ATP11A: variants seen among roughly 807,000 people sequenced by gnomAD.
ATP11A encodes the protein phospholipid-transporting ATPase IH.
In ATP11A, 81 loss-of-function variants were observed where a neutral mutation model predicts 154.4. The observed-to-expected ratio is 0.52, with a 90% CI of 0.44 to 0.63. The LOEUF (loss-of-function observed/expected upper bound fraction) is 0.63, where lower values mean the gene tolerates loss of function less well. ATP11A is among the 30% of genes least tolerant of loss of function. The probability of loss-of-function intolerance (pLI) is 0.00; values close to 1 mark genes in which losing one functional copy is unlikely to be tolerated. For missense variants in ATP11A, 1,316 were observed against 1,474.3 expected, an observed-to-expected ratio of 0.89 and a Z score of 1.76; for synonymous variants, 623 against 585.9, an observed-to-expected ratio of 1.06 and a Z score of -0.91.
At chr13:112,730,962 G>A (rs902034352) in intron 1 of ATP11A, among the ~76,000 whole-genome samples, 8 of 152,130 alleles carry the variant, frequency 5.3e-5, no homozygotes, top group African/African-American at 1.9e-4. Context: ...TTGAGACGGA[G>A]TCTTGCTAAG....
At chr13:112,789,059 G>A (rs1314419197) in intron 2 of ATP11A, among the ~76,000 whole-genome samples, 1 of 149,566 alleles carries the variant, frequency 6.7e-6, no homozygotes, top group African/African-American at 2.5e-5. Flanking sequence ...TACACCAGGT[G>A]TCCTGATGTG....
rs2080986117 is a variant in ATP11A at position 112,886,728 on chromosome 13, T to C, written c.*4862T>C. The C allele has an allele frequency of 6.6e-6, 1 of 152,616 alleles. No individual in the cohort carries two copies. Among genetic ancestry groups the C allele is most frequent in the South Asian group, 2.1e-4 (1 of 4,836 alleles). 9.5% of individuals were successfully genotyped at this position (152,616 alleles called of 1,614,324 possible). On this transcript the variant is annotated 3_prime_UTR_variant, in exon 30 of 30. Coordinates refer to ENST00000375645, the MANE Select transcript of ATP11A (RefSeq NM_015205.3). The stretch of plus-strand genomic sequence containing the variant: ...AAAGTATACAGAATTTTAATATGCA[T>C]ATATTGTGTCTGACTTAAAATTATA...
At chr13:112,730,959 G>A (rs577549151) in intron 1 of ATP11A, among the ~76,000 whole-genome samples, 6 of 152,018 alleles carry the variant, frequency 3.9e-5, no homozygotes, top group Admixed American at 6.6e-5. Context: ...TTTTTGAGAC[G>A]GAGTCTTGCT....
intron 3 of ATP11A, 117 bp from the exon 4 acceptor site, chr13:112,806,096 C>A: frequency 1.4e-6 from 1 of 690,286 alleles, no homozygotes; most frequent in Non-Finnish European, 2.5e-6. Context: ...CAGGTGCCAG[C>A]AAAGGTCTTT....
At chr13:112,833,525 CAG>C (rs1414551893) in intron 14 of ATP11A, among the ~76,000 whole-genome samples, 1 of 152,158 alleles carries the variant, frequency 6.6e-6, no homozygotes, top group East Asian at 1.9e-4. Flanking sequence ...AATTTCAACT[CAG>C]GGGAGCCATT....
intron 17 of ATP11A, among the ~76,000 whole-genome samples, chr13:112,844,768 G>C (rs201711951): frequency 1.3e-5 from 2 of 152,114 alleles, no homozygotes; most frequent in African/African-American, 2.4e-5. Flanking sequence ...CCGGGCACTA[G>C]CAGTACTAAC....
intron 1 of ATP11A, among the ~76,000 whole-genome samples, chr13:112,706,602 G>A (rs1282510182): frequency 6.6e-6 from 1 of 152,196 alleles, no homozygotes; most frequent in Non-Finnish European, 1.5e-5. Context: ...TGAAGAAATA[G>A]ATTGATTAAT....
At chr13:112,824,168 G>T (rs542691804) in intron 9 of ATP11A, among the ~76,000 whole-genome samples, 176 bp from the exon 10 acceptor site, 1 of 152,174 alleles carries the variant, frequency 6.6e-6, no homozygotes, top group East Asian at 1.9e-4. Context: ...ATGAAGAAGG[G>T]TCTTTATCCT....
intron 1 of ATP11A, among the ~76,000 whole-genome samples, chr13:112,784,382 C>T (rs755551714): frequency 2.6e-5 from 4 of 152,204 alleles, no homozygotes; most frequent in East Asian, 3.9e-4. Context: ...CAATCTGGTC[C>T]GGTGTCCAAG....
chr13:112,827,923 A>G (rs1034989117), intron 12 of ATP11A, among the ~76,000 whole-genome samples: 7 of 152,254 alleles, frequency 4.6e-5, no homozygotes, highest in Admixed American at 3.3e-4. Context: ...TTGAGTCAGC[A>G]ATGCGCAAAC....
Position 112,816,185 on chromosome 13 carries a change from A to G in ATP11A, c.544A>G (p.Ser182Gly), listed in dbSNP as rs765251593. ...TGGGACGTGCCACGTCACCACCGCC[A>G]GCTTGGATGGAGAATCCAGCCATAA... ...GDGTCHVTTA[S>G]LDGESSHKTH... The change falls in exon 6 of 30, where the codon AGC becomes GGC. Residue 182 changes from serine (S) to glycine (G), a missense_variant. By Grantham distance (56) the Ser-to-Gly change is moderately conservative. This residue lies in a region of ATP11A where 876 missense variants were observed against 1,006.8 expected (regional missense o/e 0.87). Transcript: ENST00000375645. 1 of 1,614,184 alleles carries G rather than the reference A, an allele frequency of 6.2e-7. No individual in the cohort carries two copies. The highest frequency in any genetic ancestry group is 1.1e-5 in the South Asian group (1 of 91,080).
chr13:112,853,721 C>T (rs961751177), intron 18 of ATP11A, among the ~76,000 whole-genome samples: 18 of 152,192 alleles, frequency 1.2e-4, no homozygotes, highest in African/African-American at 4.1e-4. Flanking sequence ...GGAAGTGTCA[C>T]ACAGGCCTGG....
chr13:112,707,538 G>C (rs1381334905), intron 1 of ATP11A, among the ~76,000 whole-genome samples: 1 of 151,994 alleles, frequency 6.6e-6, no homozygotes, highest in African/African-American at 2.4e-5. Flanking sequence ...CATTGAAGCC[G>C]ATCCTCTTAA....
intron 29 of ATP11A, chr13:112,881,563 G>T: frequency 8.6e-7 from 1 of 1,156,594 alleles, no homozygotes; most frequent in Non-Finnish European, 1.1e-6. Context: ...GGTGGGACAG[G>T]GGGACGGTCA....
In ATP11A at chr13:112,883,972, G is replaced by T. The variant is rs2080936451; in HGVS notation, c.*2106G>T. ...GCCTTTGCACTGAAGTATTTTCATA[G>T]CTGTTTATATCTCTTTTATTCATTT... On this transcript the variant is annotated 3_prime_UTR_variant, in exon 30 of 30. Transcript: ENST00000375645. 2 of 152,526 alleles carry T rather than the reference G, an allele frequency of 1.3e-5. No homozygotes were observed. Among genetic ancestry groups the T allele is most frequent in the South Asian group, 4.1e-4 (2 of 4,828 alleles). The allele number at this position is 152,526 out of a possible 1,614,324, so 9.4% of individuals were successfully genotyped here. A position where few individuals can be genotyped will look rare whatever the true frequency, so the allele number is the denominator to read the frequency against.
intron 2 of ATP11A, among the ~76,000 whole-genome samples, chr13:112,794,468 C>A (rs1566492497): frequency 6.6e-6 from 1 of 152,140 alleles, no homozygotes; most frequent in Non-Finnish European, 1.5e-5. Flanking sequence ...GAATTAATAA[C>A]CCTCCTTTTG....
rs1892128114 is a variant in ATP11A at position 112,746,300 on chromosome 13, A to G, written c.40-38835A>G. ...GCCGTGTCGTTTCACACTTGCACCA[A>G]CAGTGCACAGGGCTCCGGTTCCCCA... On this transcript the variant is annotated intron_variant, in intron 1 of 29. Coordinates refer to ENST00000375645, the MANE Select transcript of ATP11A (RefSeq NM_015205.3). The surrounding 1 kb of genome is among the most constrained non-coding windows in gnomAD (Gnocchi z 4.1). 1.4e-5 allele frequency: 2 copies of G among 140,850 alleles called. No individual in the cohort carries two copies. Among genetic ancestry groups the G allele is most frequent in the Non-Finnish European group, 3.0e-5 (2 of 65,614 alleles). 8.7% of individuals were successfully genotyped at this position (140,850 alleles called of 1,614,324 possible).
At chr13:112,871,607 C>A in intron 25 of ATP11A, 128 bp from the exon 26 acceptor site, 1 of 849,718 alleles carries the variant, frequency 1.2e-6, no homozygotes, top group Non-Finnish European at 2.0e-6. Flanking sequence ...AAATATAGTG[C>A]TTATATCTTT....
chr13:112,808,712 C>T (rs966910216), intron 4 of ATP11A, among the ~76,000 whole-genome samples: 1 of 152,188 alleles, frequency 6.6e-6, no homozygotes, highest in Non-Finnish European at 1.5e-5. Flanking sequence ...CACACCATCT[C>T]CCCGCTGTCT....
Sources: allele counts gnomAD v4.1 joint callset (sites outside exome capture counted in the v4.1 genomes callset), GRCh38; gene constraint gnomAD v4.1.1; regional missense constraint gnomAD v4.1.1; non-coding constraint Gnocchi (gnomAD v3.1); transcripts MANE v1.5; gene names NCBI Gene and HGNC (gene_info 2026-07-23, HGNC 2026-07-21).